Variants in HERC1 observed in about 807,000 individuals in gnomAD.
HERC1 encodes the protein probable E3 ubiquitin-protein ligase HERC1.
HERC1 carries 160 observed loss-of-function variants against 554.3 expected under a neutral mutation model. The ratio of observed to expected loss-of-function variants is 0.29; its 90% CI spans 0.25 to 0.33. HERC1 has a LOEUF of 0.33. HERC1 is among the 10% of genes least tolerant of loss of function. HERC1 has a pLI of 1.00. For synonymous variants in HERC1, 2,175 were observed against 2,131.7 expected (o/e 1.02, Z -0.56); for missense variants, 4,919 against 5,918.5 (o/e 0.83, Z 5.54).
At chr15:63,689,070 A>G (rs988463743) in intron 33 of HERC1, among the ~76,000 whole-genome samples, 5 of 152,226 alleles carry the variant, frequency 3.3e-5, no homozygotes, top group African/African-American at 9.6e-5. Context: ...AAGGCAAGGT[A>G]AAAGTGGCAC....
rs576399484 is a variant in HERC1 at position 63,718,490 on chromosome 15, C to T, written c.3978+84G>A. 571 of 1,349,986 alleles carry T rather than the reference C, an allele frequency of 4.2e-4. 1 individual carries two copies. Among genetic ancestry groups the T allele is most frequent in the Non-Finnish European group, 5.4e-4 (540 of 1,004,526 alleles). 83.6% of individuals were successfully genotyped at this position (1,349,986 alleles called of 1,614,324 possible). A position where few individuals can be genotyped will look rare whatever the true frequency, so the allele number is the denominator to read the frequency against. ...TTGAACATATGCAATAACCAAGGCA[C>T]ATTTTTTTCTCACATAAACCAATTT... On this transcript the variant is annotated intron_variant, in intron 21 of 77. Coordinates refer to ENST00000443617, the MANE Select transcript of HERC1 (RefSeq NM_003922.4). This position sits in a 1 kb window ranked among gnomAD's most constrained non-coding sequence, Gnocchi z 4.2.
intron 25 of HERC1, among the ~76,000 whole-genome samples, chr15:63,704,375 A>C (rs543475353): frequency 1.3e-5 from 2 of 152,272 alleles, no homozygotes; most frequent in Non-Finnish European, 2.9e-5. Context: ...TGAATCTCAA[A>C]TTATATTTCC....
chr15:63,825,710 T>A (rs1185989188), intron 1 of HERC1, among the ~76,000 whole-genome samples: 4 of 152,068 alleles, frequency 2.6e-5, no homozygotes, highest in African/African-American at 9.7e-5. Flanking sequence ...GCACTCAGCA[T>A]CTATTTTCCT....
In HERC1 at chr15:63,747,061, G is replaced by C. The variant is rs755274582; in HGVS notation, c.2377C>G (p.Leu793Val). ...TGATTTGAAAGTAGCTTCAGGCACA[G>C]CTTGAGAAAACTGTGGTGTTCTCTG... ...SSREHHSFLK[L>V]CLKLLSNHLA... Residue 793 changes from leucine to valine, a missense_variant, in exon 12 of 78, where the codon CTG (leucine) becomes GTG (valine). Coordinates refer to ENST00000443617, the MANE Select transcript of HERC1 (RefSeq NM_003922.4). 6.3e-7 allele frequency: 1 copy of C among 1,596,922 alleles called. No homozygotes were observed. The highest frequency in any genetic ancestry group is 8.5e-7 in the Non-Finnish European group (1 of 1,171,834).
rs548513934 is a variant in HERC1, at chr15:63,653,469, A to G, written c.10290+650T>C. The stretch of plus-strand genomic sequence containing the variant: ...GTTTAAGTAATACAATTCAATCTTC[A>G]TTTCTTGTTACAGCTCAGAGACCCC... On this transcript the variant is annotated intron_variant, in intron 51 of 77. Coordinates refer to ENST00000443617, the MANE Select transcript of HERC1 (RefSeq NM_003922.4). 2.6e-5 allele frequency among the ~76,000 whole-genome samples: 4 copies of G among 152,188 alleles called. No homozygotes were observed. In the South Asian group the frequency reaches 8.3e-4, roughly 32 times the overall value.
intron 12 of HERC1, among the ~76,000 whole-genome samples, chr15:63,735,061 A>C (rs1675257378): frequency 6.6e-6 from 1 of 152,134 alleles, no homozygotes; most frequent in Non-Finnish European, 1.5e-5. Context: ...ATCATCACCT[A>C]ACAAATATTT....
chr15:63,779,175 C>T (rs2076204950), intron 1 of HERC1, among the ~76,000 whole-genome samples: 1 of 151,674 alleles, frequency 6.6e-6, no homozygotes, highest in South Asian at 2.1e-4. Context: ...AAGAAAAATA[C>T]AAAACAAACA....
At chr15:63,711,876 A>G (rs1013832886) in intron 24 of HERC1, among the ~76,000 whole-genome samples, 1 of 152,174 alleles carries the variant, frequency 6.6e-6, no homozygotes, top group African/African-American at 2.4e-5. Context: ...GTCATAGCAC[A>G]TATAGAATCA....
At position 63,698,942 on chromosome 15, in the gene HERC1, T is replaced by C. The variant is rs562272047; in HGVS notation, c.4691A>G (p.His1564Arg). The C allele has an allele frequency of 6.2e-6, 10 of 1,613,890 alleles. No homozygotes were observed. Among genetic ancestry groups the C allele is most frequent in the Middle Eastern group, 1.7e-4 (1 of 6,058 alleles). The part of the protein sequence containing the change: ...SLSDSWARLK[H>R]SRDWLCNSSY... ...GGAGTTGCATAACCAGTCTCTGCTA[T>C]GTTTCAGGCGAGCCCAAGAGTCACT... The change falls in exon 26 of 78, where the codon CAT (histidine) becomes CGT (arginine). Residue 1564 changes from histidine (H) to arginine (R), a missense_variant. His to Arg is a conservative substitution (Grantham distance 29, BLOSUM62 0). This residue lies in a region of HERC1 where 1,121 missense variants were observed against 1,244.0 expected (regional missense o/e 0.90). Transcript: ENST00000443617.
chr15:63,639,271 C>T (rs1233220498), intron 61 of HERC1, among the ~76,000 whole-genome samples: 1 of 152,174 alleles, frequency 6.6e-6, no homozygotes, highest in East Asian at 1.9e-4. Flanking sequence ...GATTATAAAA[C>T]CTTATTTTTA....
intron 43 of HERC1, among the ~76,000 whole-genome samples, chr15:63,664,000 C>T (rs140600378): frequency 0.012 from 1,810 of 152,266 alleles, 20 homozygotes; most frequent in East Asian, 0.023. Context: ...ATGCCCAGAA[C>T]GTAATCCTAG....
intron 1 of HERC1, among the ~76,000 whole-genome samples, chr15:63,826,843 A>ATATATATATATATAT (rs71447354): frequency 1.0e-4 from 12 of 119,524 alleles, no homozygotes; most frequent in Admixed American, 1.8e-4. Context: ...ATATATATAT[A>ATATATATATATATAT]AAGTATGACA....
chr15:63,766,243 AATTT>A (rs1486502039), intron 2 of HERC1, among the ~76,000 whole-genome samples: 31 of 146,440 alleles, frequency 2.1e-4, no homozygotes, highest in Admixed American at 6.1e-4. Flanking sequence ...GATTAATACT[AATTT>A]ATTTATGTTA....
Position 63,754,658 on chromosome 15 carries a change from A to C in HERC1, c.1631-10T>G, listed in dbSNP as rs2075361260. ...TTGCTGTCACCATGACCTTGGATAA[A>C]ACACACACAACAACAAAGAAACAAC... On this transcript the variant is annotated splice_polypyrimidine_tract_variant and intron_variant, in intron 6 of 77. Transcript: ENST00000443617. The C allele has an allele frequency of 1.9e-6, 3 of 1,608,232 alleles. No individual in the cohort carries two copies. Among genetic ancestry groups the C allele is most frequent in the Non-Finnish European group, 1.7e-6 (2 of 1,176,926 alleles).
At chr15:63,689,559 A>C in intron 33 of HERC1, 30 bp downstream of exon 33, 1 of 1,254,200 alleles carries the variant, frequency 8.0e-7, no homozygotes. Context: ...TTATGCTGTT[A>C]AGAAATACCT....
rs78272672 is a variant in HERC1, at chr15:63,635,866, T to C, written c.12414+95A>G. The C allele has an allele frequency of 1.7e-4, 206 of 1,246,422 alleles. No homozygotes were observed. In the African/African-American group the frequency reaches 2.8e-3, roughly 17 times the overall value. The allele number at this position is 1,246,422 out of a possible 1,614,324, so 77.2% of individuals were successfully genotyped here. A position where few individuals can be genotyped will look rare whatever the true frequency, so the allele number is the denominator to read the frequency against. On this transcript the variant is annotated intron_variant, in intron 65 of 77. Coordinates refer to ENST00000443617, the MANE Select transcript of HERC1 (RefSeq NM_003922.4). ...TCTCTTATAATTACTGTGTAATATA[T>C]TTTTACTATATTTTCTGTTACCTAA...
At chr15:63,698,600 A>G in intron 26 of HERC1, 128 bp downstream of exon 26, 1 of 872,272 alleles carries the variant, frequency 1.1e-6, no homozygotes, top group Non-Finnish European at 1.7e-6. Flanking sequence ...TATGTTTAAA[A>G]GCTCAGGTAC....
Position 63,729,136 on chromosome 15 carries a change from T to C in HERC1, c.3154+100A>G, listed in dbSNP as rs929136449. 46 of 1,077,494 alleles carry C rather than the reference T, an allele frequency of 4.3e-5. No individual in the cohort carries two copies. The South Asian group carries it at 7.5e-4, about 17-fold the overall frequency. 66.7% of individuals were successfully genotyped at this position (1,077,494 alleles called of 1,614,324 possible). A position where few individuals can be genotyped will look rare whatever the true frequency, so the allele number is the denominator to read the frequency against. ...TTCAATAGAAGGAAATTCAAGACCA[T>C]TCCTATTCCAGAGGCTTCTGGCTCT... On this transcript the variant is annotated intron_variant, in intron 16 of 77. Transcript: ENST00000443617.
chr15:63,609,409 G>T, intron 77 of HERC1, 143 bp from the exon 78 acceptor site: 1 of 744,412 alleles, frequency 1.3e-6, no homozygotes, highest in Non-Finnish European at 2.1e-6. Context: ...GACTGGGCCA[G>T]ATAGAATGAG....
Sources: gnomAD v4.1 joint callset for allele counts (sites outside exome capture counted in the v4.1 genomes callset) on GRCh38, gnomAD v4.1.1 for gene constraint, gnomAD v4.1.1 regional missense constraint, Gnocchi (gnomAD v3.1) non-coding constraint, MANE v1.5 for transcripts, NCBI Gene and HGNC (gene_info 2026-07-23, HGNC 2026-07-21) for gene names.